The following NUCB1 variants were observed in gnomAD, a reference collection of about 807,000 sequenced individuals.
NUCB1 encodes nucleobindin-1.
A neutral mutation model predicts 61.2 loss-of-function variants in NUCB1; 47 were observed. The ratio of observed to expected loss-of-function variants is 0.77; its 90% CI spans 0.61 to 0.98. The LOEUF (loss-of-function observed/expected upper bound fraction) is 0.98, where lower values mean the gene tolerates loss of function less well. Ranked by LOEUF, NUCB1 falls within the 50% of genes least tolerant of loss-of-function variation. The pLI is 0.00. For synonymous variants in NUCB1, 234 were observed against 243.1 expected (o/e 0.96, Z 0.35); for missense variants, 583 against 605.3 (o/e 0.96, Z 0.39).
intron 2 of NUCB1, among the ~76,000 whole-genome samples, chr19:48,903,041 C>G (rs1041012583): frequency 8.6e-5 from 13 of 151,972 alleles, no homozygotes; most frequent in Admixed American, 3.3e-4. Flanking sequence ...CTCCTGGGCT[C>G]AAGTGATCCT....
chr19:48,901,676 T>C (rs1384844274), intron 2 of NUCB1, among the ~76,000 whole-genome samples: 1 of 152,152 alleles, frequency 6.6e-6, no homozygotes, highest in African/African-American at 2.4e-5. Flanking sequence ...GAGGCACGAA[T>C]TCTCGTGCTG....
intron 4 of NUCB1, among the ~76,000 whole-genome samples, chr19:48,908,009 G>A (rs1030760650): frequency 6.6e-6 from 1 of 152,132 alleles, no homozygotes; most frequent in Non-Finnish European, 1.5e-5. Context: ...GGGTGTCACC[G>A]CCCCGGCTGT....
chr19:48,901,887 C>T (rs2037356514), intron 2 of NUCB1, among the ~76,000 whole-genome samples: 1 of 152,208 alleles, frequency 6.6e-6, no homozygotes. Context: ...TCCTTGCAGA[C>T]CCAGGAAGGC....
At chr19:48,920,352 C>T (rs934438926) in intron 10 of NUCB1, among the ~76,000 whole-genome samples, 2 of 151,334 alleles carry the variant, frequency 1.3e-5, no homozygotes. Flanking sequence ...TTTTTTGAGA[C>T]AGGGTCTCCT....
chr19:48,921,809 A>G lies in NUCB1; in HGVS notation c.1174-18A>G. ...AGCATCACACCCTCTTGTCTGTGTG[A>G]CCCCCCACCTCCCACAGGCTGTGCT... On this transcript the variant is annotated intron_variant, in intron 11 of 12. Coordinates refer to ENST00000405315, the MANE Select transcript of NUCB1 (RefSeq NM_006184.6). The G allele has an allele frequency of 2.5e-6, 4 of 1,608,416 alleles. No homozygotes were observed. Among genetic ancestry groups the G allele is most frequent in the Non-Finnish European group, 3.4e-6 (4 of 1,178,756 alleles).
chr19:48,911,701 C>T (rs1479336049), intron 5 of NUCB1, among the ~76,000 whole-genome samples: 1 of 151,892 alleles, frequency 6.6e-6, no homozygotes, highest in African/African-American at 2.4e-5. Flanking sequence ...CCACCGCACC[C>T]AGCTCTTCTT....
At chr19:48,914,192 T>G (rs911512311) in intron 7 of NUCB1, among the ~76,000 whole-genome samples, 3 of 152,010 alleles carry the variant, frequency 2.0e-5, no homozygotes, top group African/African-American at 7.2e-5. Flanking sequence ...GCCAGGCTGG[T>G]CTCGAACTCC....
intron 5 of NUCB1, among the ~76,000 whole-genome samples, chr19:48,912,038 T>TA (rs58894201): frequency 3.7e-5 from 5 of 135,370 alleles, no homozygotes; most frequent in Admixed American, 2.2e-4. Flanking sequence ...TTTTTTTTTT[T>TA]ACCTGAGACA....
chr19:48,920,224 G>C (rs1363307151), intron 10 of NUCB1, among the ~76,000 whole-genome samples: 1 of 152,018 alleles, frequency 6.6e-6, no homozygotes, highest in Non-Finnish European at 1.5e-5. Context: ...GCCCACTGCA[G>C]CCTCAAACTC....
intron 7 of NUCB1, among the ~76,000 whole-genome samples, chr19:48,917,833 G>C (rs1358510450): frequency 1.3e-5 from 2 of 149,932 alleles, no homozygotes; most frequent in Admixed American, 1.3e-4. Flanking sequence ...GTAGAGACGG[G>C]GTCTAGCCAT....
chr19:48,904,458 C>T lies in NUCB1; in HGVS notation c.243+4C>T, dbSNP rs73063515. ...TGCCAATGCGGAGGACATCAAGGTG[C>T]GGCTGGGGGAGTGGGGGCTGTGGGA... is the stretch of plus-strand genomic sequence containing the variant. On this transcript the variant is annotated splice_donor_region_variant and intron_variant, in intron 3 of 12. Coordinates refer to ENST00000405315, the MANE Select transcript of NUCB1 (RefSeq NM_006184.6). 216,322 of 1,512,602 alleles carry T rather than the reference C, an allele frequency of 0.14. 16,862 individuals carry two copies. Among genetic ancestry groups the T allele is most frequent in the Non-Finnish European group, 0.16 (181,935 of 1,117,372 alleles). The allele number at this position is 1,512,602 out of a possible 1,614,324, so 93.7% of individuals were successfully genotyped here. A position where few individuals can be genotyped will look rare whatever the true frequency, so the allele number is the denominator to read the frequency against.
chr19:48,921,809 AC>A lies in NUCB1; in HGVS notation c.1174-12del. Reference sequence around the variant, plus strand: ...AGCATCACACCCTCTTGTCTGTGTGACCCCCCACCTCCCACAGGCTGTGCTG... The same window carrying A: ...AGCATCACACCCTCTTGTCTGTGTGACCCCCACCTCCCACAGGCTGTGCTG... On this transcript the variant is annotated splice_polypyrimidine_tract_variant and intron_variant, in intron 11 of 12. Coordinates refer to ENST00000405315, the MANE Select transcript of NUCB1 (RefSeq NM_006184.6). 6.2e-7 allele frequency: 1 copy of A among 1,608,404 alleles called. No individual in the cohort carries two copies. Among genetic ancestry groups the A allele is most frequent in the Non-Finnish European group, 8.5e-7 (1 of 1,178,748 alleles).
At chr19:48,912,944 A>AT in intron 5 of NUCB1, 67 bp from the exon 6 acceptor site, 3 of 1,339,292 alleles carry the variant, frequency 2.2e-6, no homozygotes, top group Non-Finnish European at 3.0e-6. Flanking sequence ...AGGGCCTGCC[A>AT]TTTACAGGCT....
At chr19:48,907,473 C>G (rs1029059753) in intron 4 of NUCB1, among the ~76,000 whole-genome samples, 6 of 151,760 alleles carry the variant, frequency 4.0e-5, no homozygotes, top group African/African-American at 1.5e-4. Flanking sequence ...CTTGATTTTG[C>G]CATGTTGGCC....
chr19:48,921,029 T>G (rs1600069705), intron 10 of NUCB1, 125 bp from the exon 11 acceptor site: 1 of 1,026,174 alleles, frequency 9.7e-7, no homozygotes, highest in Non-Finnish European at 1.4e-6. Context: ...TGGGCTTCTT[T>G]GCCCACCCAC....
At chr19:48,911,340 A>G in intron 5 of NUCB1, 88 bp downstream of exon 5, 1 of 851,832 alleles carries the variant, frequency 1.2e-6, no homozygotes, top group South Asian at 1.4e-5. Flanking sequence ...GAGCCAGCTC[A>G]CCATTCCTGC....
intron 10 of NUCB1, among the ~76,000 whole-genome samples, chr19:48,919,490 T>TATTTATTTATTTATTC (rs977587860): frequency 6.6e-6 from 1 of 150,840 alleles, no homozygotes; most frequent in East Asian, 1.9e-4. Context: ...TTTATTTATT[T>TATTTATTTATTTATTC]ATTCTGAGAC....
At chr19:48,904,239 C>G in intron 2 of NUCB1, 108 bp from the exon 3 acceptor site, 1 of 659,880 alleles carries the variant, frequency 1.5e-6, no homozygotes, top group South Asian at 1.8e-5. Flanking sequence ...AAGGTAAAAA[C>G]TGAGTCCCTT....
At chr19:48,910,285 C>A (rs1183396313) in intron 4 of NUCB1, among the ~76,000 whole-genome samples, 1 of 151,292 alleles carries the variant, frequency 6.6e-6, no homozygotes, top group Non-Finnish European at 1.5e-5. Flanking sequence ...ACCATGTTGG[C>A]CAGGATGGTC....
Sources: gnomAD v4.1 joint callset for allele counts (sites outside exome capture counted in the v4.1 genomes callset) on GRCh38, gnomAD v4.1.1 for gene constraint, MANE v1.5 for transcripts, NCBI Gene and HGNC (gene_info 2026-07-23, HGNC 2026-07-21) for gene names.